NCKAP5: variants seen among roughly 807,000 people sequenced by gnomAD.
The protein encoded by NCKAP5 is nck-associated protein 5.
A neutral mutation model predicts 167.0 loss-of-function variants in NCKAP5; 92 were observed. The ratio of observed to expected loss-of-function variants is 0.55; its 90% CI spans 0.47 to 0.66. The LOEUF is 0.66. NCKAP5 is among the 30% of genes least tolerant of loss of function. NCKAP5 has a pLI of 0.00. For synonymous variants in NCKAP5, 891 were observed against 877.4 expected, an observed-to-expected ratio of 1.02 and a Z score of -0.27; for missense variants, 2,378 against 2,315.0, an observed-to-expected ratio of 1.03 and a Z score of -0.56.
the NCKAP5 span, among the ~76,000 whole-genome samples, chr2:133,625,105 G>A: frequency 6.6e-6 from 1 of 152,120 alleles, no homozygotes; most frequent in Non-Finnish European, 1.5e-5. Flanking sequence ...GTATTACATG[G>A]TTGCTATTCT....
In NCKAP5 at chr2:133,210,121, G is replaced by T. The variant is rs377579334; in HGVS notation, c.207+3595C>A. On this transcript the variant is annotated intron_variant, in intron 5 of 19. Coordinates refer to ENST00000409261, the MANE Select transcript of NCKAP5 (RefSeq NM_207363.3). ...CAGAGGTCGCAGTGAGCCGAGACCG[G>T]GCCACTGCACTCTAGTCTGGGCAAC... Among the ~76,000 whole-genome samples, 176 of 150,578 alleles carry T rather than the reference G, an allele frequency of 1.2e-3. 1 individual carries two copies. The highest frequency in any genetic ancestry group is 3.8e-3 in the African/African-American group (154 of 40,828).
intron 3 of NCKAP5, among the ~76,000 whole-genome samples, chr2:133,477,150 C>G (rs765816894): frequency 2.0e-5 from 3 of 152,204 alleles, no homozygotes; most frequent in Non-Finnish European, 4.4e-5. Context: ...AACACTTTCT[C>G]CAAAGTCATT....
At chr2:133,283,011 C>T (rs1469953188) in intron 4 of NCKAP5, among the ~76,000 whole-genome samples, 1 of 152,072 alleles carries the variant, frequency 6.6e-6, no homozygotes, top group Non-Finnish European at 1.5e-5. Flanking sequence ...TATTGTTTAA[C>T]AAGAAAGACA....
At chr2:133,059,249 G>A (rs1164671736) in intron 6 of NCKAP5, among the ~76,000 whole-genome samples, 3 of 152,110 alleles carry the variant, frequency 2.0e-5, no homozygotes, top group Admixed American at 6.5e-5. Flanking sequence ...GCAGTGAGCC[G>A]AGATCGCGCC....
At chr2:133,278,142 T>C (rs774225113) in intron 4 of NCKAP5, among the ~76,000 whole-genome samples, 1 of 152,200 alleles carries the variant, frequency 6.6e-6, no homozygotes, top group East Asian at 1.9e-4. Context: ...TTTGACTATG[T>C]AAAATTTTTA....
chr2:133,041,897 TA>T (rs1228566887), intron 6 of NCKAP5, among the ~76,000 whole-genome samples: 1 of 152,210 alleles, frequency 6.6e-6, no homozygotes, highest in Non-Finnish European at 1.5e-5. Flanking sequence ...TTGTTAGAAT[TA>T]TTTTTTTCTA....
At chr2:132,934,137 T>C (rs116102397) in intron 8 of NCKAP5, among the ~76,000 whole-genome samples, 1,630 of 152,334 alleles carry the variant, frequency 0.011, 32 homozygotes, top group African/African-American at 0.036. Context: ...GTTGTTGGTG[T>C]ATGGCCAAGT....
At chr2:132,824,131 A>AAAACAAAC (rs34908560) in intron 11 of NCKAP5, among the ~76,000 whole-genome samples, 11,554 of 151,598 alleles carry the variant, frequency 0.076, 616 homozygotes, top group East Asian at 0.2. Flanking sequence ...TTCAGCTGCA[A>AAAACAAAC]AAACAAACAA....
At chr2:132,720,963 A>T (rs1425483740) in intron 19 of NCKAP5, among the ~76,000 whole-genome samples, 1 of 150,988 alleles carries the variant, frequency 6.6e-6, no homozygotes. Flanking sequence ...GTGAGCCAAG[A>T]TCGTGCCACT....
At chr2:132,713,065 A>G (rs1376615911) in intron 19 of NCKAP5, among the ~76,000 whole-genome samples, 1 of 152,088 alleles carries the variant, frequency 6.6e-6, no homozygotes, top group African/African-American at 2.4e-5. Flanking sequence ...ACAAAACAAG[A>G]TGCAGGATAG....
At chr2:133,597,671 C>A in the NCKAP5 span, among the ~76,000 whole-genome samples, 2 of 45,014 alleles carry the variant, frequency 4.4e-5, no homozygotes, top group Non-Finnish European at 6.5e-5. Context: ...AAGACTCTGT[C>A]TCAAAAAAAA....
At chr2:133,394,945 C>T (rs1478230782) in intron 3 of NCKAP5, among the ~76,000 whole-genome samples, 1 of 152,126 alleles carries the variant, frequency 6.6e-6, no homozygotes. Context: ...TAAAATTGTG[C>T]ATTTTCACCA....
chr2:132,837,777 G>C (rs1688000691), intron 11 of NCKAP5, among the ~76,000 whole-genome samples: 2 of 152,196 alleles, frequency 1.3e-5, no homozygotes, highest in Non-Finnish European at 1.5e-5. Context: ...GACAGGGCTT[G>C]TTCCTGGCTG....
At chr2:132,998,825 C>A (rs1573686227) in intron 6 of NCKAP5, among the ~76,000 whole-genome samples, 1 of 152,132 alleles carries the variant, frequency 6.6e-6, no homozygotes, top group East Asian at 1.9e-4. Context: ...CCTCCCTCTC[C>A]CTCTGGTTCA....
At chr2:132,804,739 A>C (rs1223095313) in intron 11 of NCKAP5, among the ~76,000 whole-genome samples, 1 of 152,108 alleles carries the variant, frequency 6.6e-6, no homozygotes, top group Non-Finnish European at 1.5e-5. Context: ...TCTTCATACT[A>C]CTGTGTGGAA....
intron 7 of NCKAP5, among the ~76,000 whole-genome samples, chr2:132,986,899 A>T (rs10184845): frequency 2.3e-3 from 353 of 152,208 alleles, no homozygotes; most frequent in Non-Finnish European, 4.0e-3. Flanking sequence ...AAACTTATGA[A>T]TCCAGGAGTG....
At chr2:133,184,902 C>A (rs2084880995) in intron 5 of NCKAP5, among the ~76,000 whole-genome samples, 1 of 152,100 alleles carries the variant, frequency 6.6e-6, no homozygotes, top group African/African-American at 2.4e-5. Flanking sequence ...ATATCTTCTC[C>A]CAACATACAG....
the NCKAP5 span, among the ~76,000 whole-genome samples, chr2:133,588,780 T>C: frequency 6.6e-6 from 1 of 152,110 alleles, no homozygotes; most frequent in African/African-American, 2.4e-5. Context: ...GATTCTCTGA[T>C]TGGGGACATT....
At chr2:132,837,141 C>T (rs1687948053) in intron 11 of NCKAP5, among the ~76,000 whole-genome samples, 1 of 152,146 alleles carries the variant, frequency 6.6e-6, no homozygotes, top group South Asian at 2.1e-4. Flanking sequence ...TATTTCATGA[C>T]CTGTAATTGT....
Sources: allele counts gnomAD v4.1 joint callset (sites outside exome capture counted in the v4.1 genomes callset), GRCh38; gene constraint gnomAD v4.1.1; transcripts MANE v1.5; gene names NCBI Gene and HGNC (gene_info 2026-07-23, HGNC 2026-07-21).